The following ELP4 variants were observed in gnomAD, a reference collection of about 807,000 sequenced individuals.
ELP4 encodes the protein elongator complex protein 4.
Under a neutral mutation model 48.9 loss-of-function variants are expected in ELP4, and 51 were observed. The ratio of observed to expected loss-of-function variants is 1.04; its 90% CI spans 0.83 to 1.32. The LOEUF is 1.32. Ranked by LOEUF, ELP4 falls within the 40% of genes most tolerant of loss-of-function variation. The pLI, the probability that ELP4 is intolerant of heterozygous loss-of-function variation, is 0.00. For missense variants in ELP4, 519 were observed against 514.6 expected (o/e 1.01, Z -0.08); for synonymous variants, 210 against 189.2 (o/e 1.11, Z -0.90).
intron 9 of ELP4, among the ~76,000 whole-genome samples, chr11:31,713,730 A>G (rs775533340): frequency 3.1e-4 from 47 of 152,178 alleles, no homozygotes; most frequent in Non-Finnish European, 5.0e-4. Flanking sequence ...ATGGAAGAGT[A>G]TCTACCCAAG....
chr11:31,514,445 AG>A (rs1211693190), intron 1 of ELP4, among the ~76,000 whole-genome samples: 3 of 152,200 alleles, frequency 2.0e-5, no homozygotes, highest in Non-Finnish European at 1.5e-5. Flanking sequence ...GGTGACAGTG[AG>A]ACCCCATCTC....
intron 3 of ELP4, among the ~76,000 whole-genome samples, chr11:31,592,085 G>C (rs565149934): frequency 6.6e-6 from 1 of 152,292 alleles, no homozygotes; most frequent in Non-Finnish European, 1.5e-5. Context: ...CCAGGGGCAG[G>C]AGAGAAGGGG....
intron 9 of ELP4, among the ~76,000 whole-genome samples, chr11:31,770,943 T>C (rs746318010): frequency 6.6e-6 from 1 of 151,968 alleles, no homozygotes; most frequent in African/African-American, 2.4e-5. Flanking sequence ...TCTTTGTCAA[T>C]GCATAAAATA....
intron 2 of ELP4, 23 bp downstream of exon 2, chr11:31,520,114 G>T: frequency 6.3e-7 from 1 of 1,598,354 alleles, no homozygotes. Flanking sequence ...TACATGCTTT[G>T]CTCTCCTCTA....
chr11:31,706,564 T>C (rs1478282403), intron 9 of ELP4, among the ~76,000 whole-genome samples: 1 of 147,974 alleles, frequency 6.8e-6, no homozygotes, highest in Non-Finnish European at 1.5e-5. Flanking sequence ...TATATTAAAT[T>C]AATATAATTA....
At chr11:31,738,004 CATT>C (rs1211634053) in intron 9 of ELP4, among the ~76,000 whole-genome samples, 14 of 152,160 alleles carry the variant, frequency 9.2e-5, no homozygotes, top group Non-Finnish European at 1.9e-4. Context: ...TTCATAGCAA[CATT>C]ATCCATAATA....
intron 9 of ELP4, among the ~76,000 whole-genome samples, chr11:31,679,054 CATCT>C (rs1245144010): frequency 3.9e-5 from 6 of 152,044 alleles, no homozygotes; most frequent in African/African-American, 9.7e-5. Context: ...TTTTGCCATC[CATCT>C]GTCTTCTTTG....
At chr11:31,627,240 G>T in intron 6 of ELP4, 46 bp downstream of exon 6, 10 of 155,434 alleles carry the variant, frequency 6.4e-5, no homozygotes, top group East Asian at 6.4e-4. Context: ...ATATAATGTT[G>T]TTTTCAAATT....
At chr11:31,722,267 A>G (rs891403055) in intron 9 of ELP4, among the ~76,000 whole-genome samples, 1 of 152,208 alleles carries the variant, frequency 6.6e-6, no homozygotes, top group Admixed American at 6.5e-5. Flanking sequence ...TCTTTTGTCC[A>G]AAACACAAAT....
intron 9 of ELP4, among the ~76,000 whole-genome samples, chr11:31,724,958 G>A (rs1947044723): frequency 6.6e-6 from 1 of 152,204 alleles, no homozygotes; most frequent in South Asian, 2.1e-4. Context: ...TATTTGAGAT[G>A]TTGAAGGAAT....
intron 9 of ELP4, among the ~76,000 whole-genome samples, chr11:31,665,665 T>A (rs1308543214): frequency 1.4e-5 from 2 of 142,380 alleles, no homozygotes; most frequent in African/African-American, 5.2e-5. Flanking sequence ...CTTTTTTTTT[T>A]TTTTTTTTTT....
At chr11:31,655,861 A>G (rs1257554571) in intron 9 of ELP4, among the ~76,000 whole-genome samples, 1 of 151,986 alleles carries the variant, frequency 6.6e-6, no homozygotes, top group Non-Finnish European at 1.5e-5. Flanking sequence ...CAAACCTTCC[A>G]AAGTAATAGT....
rs1014651973 is a variant in ELP4, at chr11:31,510,075, C to G, written c.223+68C>G. ...TAGGGAGGGGACCTGTCGGGGAAGC[C>G]ACTTTGACCCCACATCTCTTTCTGA... On this transcript the variant is annotated intron_variant, in intron 1 of 9. Transcript: ENST00000640961. The G allele has an allele frequency of 4.2e-6, 6 of 1,432,114 alleles. No homozygotes were observed. In the African/African-American group the frequency reaches 8.4e-5, roughly 20 times the overall value. 88.7% of individuals were successfully genotyped at this position (1,432,114 alleles called of 1,614,324 possible).
intron 4 of ELP4, among the ~76,000 whole-genome samples, chr11:31,596,451 G>A (rs916098515): frequency 2.6e-5 from 4 of 152,106 alleles, no homozygotes; most frequent in Non-Finnish European, 1.5e-5. Context: ...TACTTAATTG[G>A]TAGTGTAACT....
intron 2 of ELP4, among the ~76,000 whole-genome samples, chr11:31,523,902 C>T (rs1258851641): frequency 6.6e-6 from 1 of 151,978 alleles, no homozygotes; most frequent in Non-Finnish European, 1.5e-5. Flanking sequence ...TAATTGATAG[C>T]ATAAATATTT....
intron 2 of ELP4, among the ~76,000 whole-genome samples, chr11:31,535,185 A>T (rs1013709991): frequency 6.6e-6 from 1 of 152,180 alleles, no homozygotes; most frequent in Non-Finnish European, 1.5e-5. Flanking sequence ...AATTGACCAT[A>T]CTTTTAATCA....
Position 31,513,838 on chromosome 11 carries a change from G to T in ELP4, c.223+3831G>T, listed in dbSNP as rs1956055679. Among the ~76,000 whole-genome samples, 6 of 152,242 alleles carry T rather than the reference G, an allele frequency of 3.9e-5. No homozygotes were observed. The South Asian group carries it at 1.2e-3, about 32-fold the overall frequency. The stretch of plus-strand genomic sequence containing the variant: ...TCGTGGAAGATACTGGCATTTGCAA[G>T]ATCTTAAATTTTCTAATATTATTTC... On this transcript the variant is annotated intron_variant, in intron 1 of 9. Transcript: ENST00000640961.
chr11:31,759,681 GTTTTC>G (rs1264011194), intron 9 of ELP4, among the ~76,000 whole-genome samples: 5 of 150,562 alleles, frequency 3.3e-5, no homozygotes, highest in East Asian at 3.9e-4. Flanking sequence ...TCGTTTAAGT[GTTTTC>G]TTTTCTTTTT....
chr11:31,783,645 T>C lies in ELP4; in HGVS notation c.*121T>C, dbSNP rs2134291419. The C allele has an allele frequency of 1.1e-6, 1 of 911,432 alleles. No homozygotes were observed. The highest frequency in any genetic ancestry group is 3.5e-4 in the Middle Eastern group (1 of 2,862). 56.5% of individuals were successfully genotyped at this position (911,432 alleles called of 1,614,324 possible). A position where few individuals can be genotyped will look rare whatever the true frequency, so the allele number is the denominator to read the frequency against. On this transcript the variant is annotated 3_prime_UTR_variant, in exon 10 of 10. Transcript: ENST00000640961. ...CCACTCCTTGAAAAACACAGGATTATAAAATGGTGCCGCCATTTCTCATTT... is the reference window on the plus strand; with the variant it reads ...CCACTCCTTGAAAAACACAGGATTACAAAATGGTGCCGCCATTTCTCATTT...
Sources: allele counts gnomAD v4.1 joint callset (sites outside exome capture counted in the v4.1 genomes callset), GRCh38; gene constraint gnomAD v4.1.1; transcripts MANE v1.5; gene names NCBI Gene and HGNC (gene_info 2026-07-23, HGNC 2026-07-21).